SORCS2: variants seen among roughly 807,000 people sequenced by gnomAD.
SORCS2 encodes sortilin related VPS10 domain containing receptor 2.
SORCS2 carries 100 observed loss-of-function variants against 141.6 expected under a neutral mutation model. The observed-to-expected ratio is 0.71, with a 90% CI of 0.60 to 0.83. The LOEUF (loss-of-function observed/expected upper bound fraction) is 0.83, where lower values mean the gene tolerates loss of function less well. Ranked by LOEUF, SORCS2 falls within the 40% of genes least tolerant of loss-of-function variation. The pLI is 0.00. For synonymous variants in SORCS2, 789 were observed against 676.9 expected (o/e 1.17, Z -2.57); for missense variants, 1,646 against 1,560.2 (o/e 1.05, Z -0.93).
rs564612646 is a variant in SORCS2 at position 7,523,706 on chromosome 4, C to T, written c.549-7824C>T. On this transcript the variant is annotated intron_variant, in intron 2 of 26. Coordinates refer to ENST00000507866, the MANE Select transcript of SORCS2 (RefSeq NM_020777.3). ...GCCCTCAGTGTCCCTGCCCACAGGCCGCTGTTATGTGATTGGACTATCGAC... is the reference window on the plus strand; with the variant it reads ...GCCCTCAGTGTCCCTGCCCACAGGCTGCTGTTATGTGATTGGACTATCGAC... Among the ~76,000 whole-genome samples, 36 of 152,312 alleles carry T rather than the reference C, an allele frequency of 2.4e-4. No homozygotes were observed. In the South Asian group the frequency reaches 2.7e-3, roughly 11 times the overall value.
intron 2 of SORCS2, among the ~76,000 whole-genome samples, chr4:7,418,093 C>T (rs1725813192): frequency 6.6e-6 from 1 of 152,186 alleles, no homozygotes; most frequent in African/African-American, 2.4e-5. Flanking sequence ...ACTTCTTCCT[C>T]CTCCTCCTCA....
chr4:7,411,112 C>T (rs574314691), intron 2 of SORCS2, among the ~76,000 whole-genome samples: 4 of 151,826 alleles, frequency 2.6e-5, no homozygotes, highest in East Asian at 1.9e-4. Flanking sequence ...TGCATCACCA[C>T]GCCCAGCTAA....
chr4:7,215,632 C>T (rs1357384272), intron 1 of SORCS2, among the ~76,000 whole-genome samples: 1 of 152,212 alleles, frequency 6.6e-6, no homozygotes, highest in East Asian at 1.9e-4. Flanking sequence ...ATGTCTAGCT[C>T]AGGGATTGTA....
chr4:7,376,238 T>C (rs1722642824), intron 1 of SORCS2, among the ~76,000 whole-genome samples: 1 of 150,898 alleles, frequency 6.6e-6, no homozygotes, highest in East Asian at 2.0e-4. Context: ...ATATAAAGCA[T>C]GCTTATTATA....
At chr4:7,727,440 T>C (rs1337965936) in intron 21 of SORCS2, among the ~76,000 whole-genome samples, 3 of 146,564 alleles carry the variant, frequency 2.0e-5, no homozygotes, top group Non-Finnish European at 4.5e-5. Flanking sequence ...CCCCCCCCCC[T>C]TGTCAAGGAG....
At chr4:7,329,837 T>C (rs1247140902) in intron 1 of SORCS2, among the ~76,000 whole-genome samples, 2 of 152,186 alleles carry the variant, frequency 1.3e-5, no homozygotes, top group Non-Finnish European at 2.9e-5. Flanking sequence ...CCACGGTGTT[T>C]GGTGGTTAGG....
intron 1 of SORCS2, among the ~76,000 whole-genome samples, chr4:7,250,761 G>A (rs534394151): frequency 6.6e-6 from 1 of 152,404 alleles, no homozygotes; most frequent in Admixed American, 6.5e-5. Context: ...TGCAGTTGGG[G>A]CTGCTTGAAA....
chr4:7,529,050 A>C (rs1733867957), intron 2 of SORCS2, among the ~76,000 whole-genome samples: 1 of 152,160 alleles, frequency 6.6e-6, no homozygotes, highest in Non-Finnish European at 1.5e-5. Flanking sequence ...CTCACCCAGC[A>C]TGACCTCATC....
Position 7,396,637 on chromosome 4 carries a change from C to T in SORCS2, c.548+282C>T, listed in dbSNP as rs549844105. ...CTCCCCGCTTCCTTTTTTTCCTCCC[C>T]GGAGGAGGAGGGTTTGCATTGTGAA... On this transcript the variant is annotated intron_variant, in intron 2 of 26. Coordinates refer to ENST00000507866, the MANE Select transcript of SORCS2 (RefSeq NM_020777.3). Among the ~76,000 whole-genome samples, 9 of 152,276 alleles carry T rather than the reference C, an allele frequency of 5.9e-5. No homozygotes were observed. In the South Asian group the frequency reaches 8.3e-4, roughly 14 times the overall value.
intron 2 of SORCS2, among the ~76,000 whole-genome samples, chr4:7,435,402 C>G (rs564426120): frequency 5.9e-5 from 9 of 152,356 alleles, no homozygotes; most frequent in African/African-American, 2.2e-4. Flanking sequence ...CTGGATGCCA[C>G]TGTTTTCTAA....
At chr4:7,618,837 A>AACAC (rs36003102) in intron 3 of SORCS2, among the ~76,000 whole-genome samples, 54 of 150,560 alleles carry the variant, frequency 3.6e-4, no homozygotes, top group Non-Finnish European at 5.3e-4. Context: ...CATGTGCGCA[A>AACAC]ACACACACAC....
chr4:7,530,831 G>A (rs551705054), intron 2 of SORCS2, among the ~76,000 whole-genome samples: 40 of 152,208 alleles, frequency 2.6e-4, no homozygotes, highest in Non-Finnish European at 5.3e-4. Context: ...ACTTGGCCAG[G>A]AGGGCCTTGC....
chr4:7,687,068 G>A (rs527652160), intron 10 of SORCS2, among the ~76,000 whole-genome samples: 5 of 152,310 alleles, frequency 3.3e-5, no homozygotes, highest in African/African-American at 7.2e-5. Context: ...CACTGTGCAC[G>A]CAGCAAGTGA....
rs868009320 is a variant in SORCS2, at chr4:7,655,203, A to G, written c.887+996A>G. ...TGGCATTCCTCTTTCTTGTGCGTGT[A>G]CACACACACACACACACACACACAG... On this transcript the variant is annotated intron_variant, in intron 5 of 26. Transcript: ENST00000507866. 2.0e-4 allele frequency among the ~76,000 whole-genome samples: 20 copies of G among 98,468 alleles called. No individual in the cohort carries two copies. The African/African-American group carries it at 2.1e-3, about 10-fold the overall frequency. 64.6% of individuals were successfully genotyped at this position (98,468 alleles called of 152,430 possible). A position where few individuals can be genotyped will look rare whatever the true frequency, so the allele number is the denominator to read the frequency against.
chr4:7,531,556 C>A lies in SORCS2; in HGVS notation c.575C>A (p.Thr192Asn), dbSNP rs764479473. Residue 192 changes from threonine to asparagine, a missense_variant, in exon 3 of 27, where the codon ACC becomes AAC. Thr to Asn is a moderately conservative substitution (Grantham distance 65, BLOSUM62 0). Coordinates refer to ENST00000507866, the MANE Select transcript of SORCS2 (RefSeq NM_020777.3). ...WRSSDFGTSY[T>N]KLTLQPGVTT... Reference sequence around the variant, plus strand: ...TCATCAGATTTCGGGACGTCCTACACCAAGCTCACCCTCCAGCCTGGTGTC... The same window carrying A: ...TCATCAGATTTCGGGACGTCCTACAACAAGCTCACCCTCCAGCCTGGTGTC... The A allele has an allele frequency of 4.3e-6, 7 of 1,613,938 alleles. No individual in the cohort carries two copies. The South Asian group carries it at 7.7e-5, about 18-fold the overall frequency.
chr4:7,598,971 G>A (rs531168377), intron 3 of SORCS2, among the ~76,000 whole-genome samples: 6 of 152,340 alleles, frequency 3.9e-5, no homozygotes, highest in South Asian at 4.1e-4. Flanking sequence ...GCACGGTGCC[G>A]ATGCCCTTGC....
chr4:7,369,868 C>T (rs1464389376), intron 1 of SORCS2, among the ~76,000 whole-genome samples: 3 of 152,368 alleles, frequency 2.0e-5, no homozygotes, highest in African/African-American at 7.2e-5. Flanking sequence ...CACCCACTTC[C>T]GGAGCTTTCG....
At chr4:7,674,827 C>T (rs1723013348) in intron 8 of SORCS2, among the ~76,000 whole-genome samples, 1 of 151,488 alleles carries the variant, frequency 6.6e-6, no homozygotes, top group Non-Finnish European at 1.5e-5. Flanking sequence ...AAAAGCCCTT[C>T]CCTAGGCCCT....
intron 11 of SORCS2, among the ~76,000 whole-genome samples, chr4:7,692,647 G>A (rs1342932173): frequency 1.3e-5 from 2 of 152,200 alleles, no homozygotes; most frequent in South Asian, 2.1e-4. Context: ...GATGATGACC[G>A]CAGGGCCAGA....
Sources: allele counts gnomAD v4.1 joint callset (sites outside exome capture counted in the v4.1 genomes callset), GRCh38; gene constraint gnomAD v4.1.1; transcripts MANE v1.5; gene names NCBI Gene and HGNC (gene_info 2026-07-23, HGNC 2026-07-21).